The following PREX1 variants were observed in gnomAD, a reference collection of about 807,000 sequenced individuals.
PREX1 encodes the protein phosphatidylinositol 3,4,5-trisphosphate-dependent Rac exchanger 1 protein.
PREX1 carries 41 observed loss-of-function variants against 198.3 expected under a neutral mutation model. The ratio of observed to expected loss-of-function variants is 0.21; its 90% confidence interval spans 0.16 to 0.27. The LOEUF (loss-of-function observed/expected upper bound fraction) is 0.27, where lower values mean the gene tolerates loss of function less well. Among genes scored for constraint, PREX1 ranks in the 10% least tolerant of loss-of-function variants. The pLI, the probability that PREX1 is intolerant of heterozygous loss-of-function variation, is 1.00. For synonymous variants in PREX1, 843 were observed against 887.2 expected, an observed-to-expected ratio of 0.95 and a Z score of 0.89; for missense variants, 1,620 against 2,200.7, an observed-to-expected ratio of 0.74 and a Z score of 5.28.
chr20:48,634,085 C>CGGAT (rs144964956), intron 33 of PREX1, among the ~76,000 whole-genome samples: 28,699 of 122,570 alleles, frequency 0.23, 2,769 homozygotes, highest in Middle Eastern at 0.39. Context: ...GATGGATGGA[C>CGGAT]GGATGGATGG....
At chr20:48,688,612 G>A in intron 10 of PREX1, 45 bp downstream of exon 10, 1 of 1,611,692 alleles carries the variant, frequency 6.2e-7, no homozygotes, top group Non-Finnish European at 8.5e-7. Context: ...CCCACCTCCA[G>A]CTGAGAGCCC....
intron 1 of PREX1, among the ~76,000 whole-genome samples, chr20:48,760,539 G>C (rs1054447519): frequency 6.6e-6 from 1 of 152,032 alleles, no homozygotes; most frequent in Non-Finnish European, 1.5e-5. Flanking sequence ...CAAACAAAAA[G>C]GGGGGGAGGA....
intron 26 of PREX1, 99 bp from the exon 27 acceptor site, chr20:48,644,596 G>T: frequency 1.9e-6 from 2 of 1,079,016 alleles, no homozygotes; most frequent in South Asian, 2.9e-5. Context: ...CAAAACCCCT[G>T]GGCCCTCAGG....
At chr20:48,646,464 C>T (rs1200827158) in intron 25 of PREX1, among the ~76,000 whole-genome samples, 2 of 152,126 alleles carry the variant, frequency 1.3e-5, no homozygotes, top group Non-Finnish European at 2.9e-5. Flanking sequence ...GGGCTGATCA[C>T]CTGAGGTCAG....
At chr20:48,886,306 G>A in the PREX1 span, among the ~76,000 whole-genome samples, 457 of 152,310 alleles carry the variant, frequency 3.0e-3, 2 homozygotes, top group African/African-American at 0.01. Flanking sequence ...CCAGTCACAC[G>A]CAGGTGCTCT....
chr20:48,781,764 G>A (rs1346475540), intron 1 of PREX1, among the ~76,000 whole-genome samples: 2 of 152,182 alleles, frequency 1.3e-5, no homozygotes, highest in African/African-American at 2.4e-5. Flanking sequence ...CCACCTCCAG[G>A]AGCTATTATG....
Position 48,650,968 on chromosome 20 carries a change from G to A in PREX1, c.2743C>T (p.Pro915Ser), listed in dbSNP as rs779286270. 1 of 1,614,180 alleles carries A rather than the reference G, an allele frequency of 6.2e-7. No homozygotes were observed. Among genetic ancestry groups the A allele is most frequent in the South Asian group, 1.1e-5 (1 of 91,084 alleles). Residue 915 changes from proline (P) to serine (S), a missense_variant, in exon 23 of 40, where the codon CCC becomes TCC. By Grantham distance (74) the Pro-to-Ser change is moderately conservative. This residue lies in a region of PREX1 where 514 missense variants were observed against 611.6 expected (regional missense o/e 0.84). Coordinates refer to ENST00000371941, the MANE Select transcript of PREX1 (RefSeq NM_020820.4). ...CAGATGTTGCGGAACTCAAAGTGGG[G>A]CATGGTCACGATGGCGCTGCTCAGG... ...MALSSAIVTM[P>S]HFEFRNICDT...
rs938255119 is a variant in PREX1, at chr20:48,752,673, C to G, written c.220-4793G>C. ...AGCTCCGGTGGCCCCCATGGTAACC[C>G]GCTTGATGACACACCTTTCTTGGCT... On this transcript the variant is annotated intron_variant, in intron 1 of 39. Transcript: ENST00000371941. 2.6e-5 allele frequency among the ~76,000 whole-genome samples: 4 copies of G among 152,124 alleles called. No individual in the cohort carries two copies. The East Asian group carries it at 5.8e-4, about 22-fold the overall frequency.
intron 2 of PREX1, 65 bp from the exon 3 acceptor site, chr20:48,745,212 G>A: frequency 2.0e-6 from 3 of 1,519,072 alleles, no homozygotes; most frequent in Non-Finnish European, 1.8e-6. Context: ...GCCAAGCACT[G>A]AAAAAATACA....
intron 1 of PREX1, among the ~76,000 whole-genome samples, chr20:48,798,881 C>T (rs1176486374): frequency 6.6e-6 from 1 of 152,186 alleles, no homozygotes; most frequent in African/African-American, 2.4e-5. Flanking sequence ...TGACTTAAAT[C>T]TCTAAATATG....
In PREX1 at chr20:48,624,414, C is replaced by T. The variant is rs2089253068; in HGVS notation, c.*1471G>A. On this transcript the variant is annotated 3_prime_UTR_variant, in exon 40 of 40. Transcript: ENST00000371941. ...AGCGGGTCCTCCTTTGTCTCTGATG[C>T]AAGATACAGTGACAAGGCCACTGCC... 6.5e-6 allele frequency: 1 copy of T among 152,676 alleles called. No individual in the cohort carries two copies. The highest frequency in any genetic ancestry group is 2.1e-4 in the South Asian group (1 of 4,836). 9.5% of individuals were successfully genotyped at this position (152,676 alleles called of 1,614,324 possible).
intron 23 of PREX1, 40 bp from the exon 24 acceptor site, chr20:48,650,246 A>C: frequency 6.4e-7 from 1 of 1,561,854 alleles, no homozygotes; most frequent in East Asian, 2.2e-5. Context: ...ATCACAGGGC[A>C]GGGTCTGGAA....
rs2090515692 is a variant in PREX1 at position 48,827,641 on chromosome 20, C to CACTCAG, written c.219_219+1insCTGAGT (p.Ser73_Ala74insLeuSer). On this transcript the variant is annotated inframe_insertion and splice_region_variant. Coordinates refer to ENST00000371941, the MANE Select transcript of PREX1 (RefSeq NM_020820.4). The surrounding 1 kb of genome is among the most constrained non-coding windows in gnomAD (Gnocchi z 4.1). The stretch of plus-strand genomic sequence containing the variant: ...TCCCCAAGCTCCCGAGCGACACTCA[C>CACTCAG]CGACTGCAAGAAGCGCAAGGTGCCC... 1 of 1,307,846 alleles carries CACTCAG rather than the reference C, an allele frequency of 7.6e-7. No homozygotes were observed. Among genetic ancestry groups the CACTCAG allele is most frequent in the Admixed American group, 3.3e-5 (1 of 29,876 alleles). 81.0% of individuals were successfully genotyped at this position (1,307,846 alleles called of 1,614,324 possible). A position where few individuals can be genotyped will look rare whatever the true frequency, so the allele number is the denominator to read the frequency against.
chr20:48,812,053 A>C (rs912569116), intron 1 of PREX1, among the ~76,000 whole-genome samples: 4 of 152,236 alleles, frequency 2.6e-5, no homozygotes, highest in African/African-American at 9.6e-5. Context: ...AGTGTCTTCC[A>C]GCTCCAACAG....
upstream of PREX1, among the ~76,000 whole-genome samples, chr20:48,832,209 C>A (rs2090538650): frequency 6.6e-6 from 1 of 152,008 alleles, no homozygotes; most frequent in South Asian, 2.1e-4. Context: ...GTTTCCGTTG[C>A]CATGTACTTT....
At chr20:48,722,025 C>A (rs187406650) in intron 5 of PREX1, among the ~76,000 whole-genome samples, 8 of 152,192 alleles carry the variant, frequency 5.3e-5, no homozygotes, top group South Asian at 2.1e-4. Context: ...GAGATGCCTG[C>A]CAGACACTCA....
Position 48,684,641 on chromosome 20 carries a change from G to A in PREX1, c.1335-3306C>T, listed in dbSNP as rs1400722327. ...GTCATACCTGGTAACCCTGAGCTCC[G>A]ACAGCTCCACCAATGCCCTCGATCT... On this transcript the variant is annotated intron_variant, in intron 10 of 39. Transcript: ENST00000371941. The surrounding 1 kb of genome is among the most constrained non-coding windows in gnomAD (Gnocchi z 4.2). Among the ~76,000 whole-genome samples, 2 of 152,104 alleles carry A rather than the reference G, an allele frequency of 1.3e-5. No individual in the cohort carries two copies. Among genetic ancestry groups the A allele is most frequent in the African/African-American group, 4.8e-5 (2 of 41,418 alleles).
At chr20:48,640,600 C>T (rs1398393483) in intron 29 of PREX1, among the ~76,000 whole-genome samples, 1 of 152,130 alleles carries the variant, frequency 6.6e-6, no homozygotes, top group African/African-American at 2.4e-5. Context: ...GTGGCAACTG[C>T]CCATCTGCAT....
intron 14 of PREX1, among the ~76,000 whole-genome samples, chr20:48,667,964 A>G (rs2089650642): frequency 6.6e-6 from 1 of 152,196 alleles, no homozygotes; most frequent in South Asian, 2.1e-4. Context: ...TCCACCTGCT[A>G]GCTTCTCAGC....
Sources: gnomAD v4.1 joint callset for allele counts (sites outside exome capture counted in the v4.1 genomes callset) on GRCh38, gnomAD v4.1.1 for gene constraint, gnomAD v4.1.1 regional missense constraint, Gnocchi (gnomAD v3.1) non-coding constraint, MANE v1.5 for transcripts, NCBI Gene and HGNC (gene_info 2026-07-23, HGNC 2026-07-21) for gene names.